ZNF717: variants seen among roughly 807,000 people sequenced by gnomAD.
The protein encoded by ZNF717 is zinc finger protein 717.
A neutral mutation model predicts 13.8 loss-of-function variants in ZNF717; 9 were observed. The ratio of observed to expected loss-of-function variants is 0.65; its 90% CI spans 0.39 to 1.14. The LOEUF (loss-of-function observed/expected upper bound fraction) is 1.14, where lower values mean the gene tolerates loss of function less well. Among genes scored for constraint, ZNF717 ranks in the 50% most tolerant of loss-of-function variants. The probability of loss-of-function intolerance (pLI) is 0.01; values close to 1 mark genes in which losing one functional copy is unlikely to be tolerated. For synonymous variants in ZNF717, 327 were observed against 364.1 expected, an observed-to-expected ratio of 0.90 and a Z score of 1.16; for missense variants, 1,040 against 1,080.7, an observed-to-expected ratio of 0.96 and a Z score of 0.53.
At chr3:75,755,526 A>G (rs1245884278) in intron 2 of ZNF717, among the ~76,000 whole-genome samples, 1 of 152,176 alleles carries the variant, frequency 6.6e-6, no homozygotes, top group African/African-American at 2.4e-5. Flanking sequence ...TAGATTATGT[A>G]TGCTTATACA....
At position 75,739,028 on chromosome 3, in the gene ZNF717, G is replaced by T. The variant is rs1332258666; in HGVS notation, c.595C>A (p.His199Asn). The T allele has an allele frequency of 1.8e-5, 28 of 1,551,420 alleles. No homozygotes were observed. Among genetic ancestry groups the T allele is most frequent in the Non-Finnish European group, 2.4e-5 (27 of 1,146,944 alleles). Residue 199 changes from histidine (H) to asparagine (N), a missense_variant, in exon 5 of 5, where the codon CAT (histidine) becomes AAT (asparagine). By Grantham distance (68) the His-to-Asn change is moderately conservative. This residue lies in a region of ZNF717 where 873 missense variants were observed against 832.8 expected (regional missense o/e 1.05). Transcript: ENST00000652011. ...SHRHHEHLTQ[H>N]HKIQTLLQTF... is the part of the protein sequence containing the mutation. ...TGCAGCAGAGTTTGAATCTTGTGAT[G>T]CTGAGTAAGATGTTCATGATGTCTG...
chr3:75,770,109 C>A (rs1943774852), intron 2 of ZNF717, among the ~76,000 whole-genome samples: 1 of 152,160 alleles, frequency 6.6e-6, no homozygotes, highest in African/African-American at 2.4e-5. Flanking sequence ...ACAGTGCTGG[C>A]CAGATGCACA....
At chr3:75,711,822 C>A (rs1412561234) in intron 5 of ZNF717, among the ~76,000 whole-genome samples, 4 of 152,126 alleles carry the variant, frequency 2.6e-5, no homozygotes, top group Admixed American at 6.5e-5. Context: ...TGGACTACAG[C>A]AGATTGCAAA....
chr3:75,722,585 C>T (rs1201343997), intron 4 of ZNF717, among the ~76,000 whole-genome samples: 5 of 151,938 alleles, frequency 3.3e-5, no homozygotes, highest in African/African-American at 4.8e-5. Context: ...GAGGCTGAGG[C>T]GGGCGGATCA....
exon 6 of ZNF717, chr3:75,710,150 A>G (rs2106833910): frequency 6.6e-6 from 1 of 152,254 alleles, no homozygotes; most frequent in East Asian, 1.9e-4. Flanking sequence ...AAACTTAAGT[A>G]ATGGATACAC....
chr3:75,766,114 A>G (rs1211015348), intron 2 of ZNF717, among the ~76,000 whole-genome samples: 2 of 152,238 alleles, frequency 1.3e-5, no homozygotes, highest in Non-Finnish European at 2.9e-5. Flanking sequence ...CTTAAAAAAA[A>G]ATAAACAAAC....
At chr3:75,712,598 A>C (rs1937963499) in intron 5 of ZNF717, among the ~76,000 whole-genome samples, 2 of 152,196 alleles carry the variant, frequency 1.3e-5, no homozygotes. Flanking sequence ...TGGGCTTTCC[A>C]CTTTGTCCTG....
At chr3:75,717,623 G>A (rs1161352188) in intron 4 of ZNF717, among the ~76,000 whole-genome samples, 1 of 152,150 alleles carries the variant, frequency 6.6e-6, no homozygotes, top group Non-Finnish European at 1.5e-5. Context: ...CAGTGTGAGT[G>A]CCGGCATGTT....
At chr3:75,700,237 C>CG (rs1937662190) in intron 6 of ZNF717, among the ~76,000 whole-genome samples, 1 of 145,278 alleles carries the variant, frequency 6.9e-6, no homozygotes, top group Non-Finnish European at 1.5e-5. Context: ...ACTAAAAATA[C>CG]AAAAAAATTA....
rs1371817258 is a variant in ZNF717 at position 75,703,240 on chromosome 3, C to G, written n.1085+7947G>C. Among the ~76,000 whole-genome samples, 64 of 152,328 alleles carry G rather than the reference C, an allele frequency of 4.2e-4. No homozygotes were observed. The Middle Eastern group carries it at 0.01, about 24-fold the overall frequency. On this transcript the variant is annotated intron_variant and non_coding_transcript_variant, in intron 6 of 6. Transcript: ENST00000648506. ...GCAGGAAATCAGAATTATTTTAAAA[C>G]CTCATTGTGGCTGGGAGCGGTGGCT...
At position 75,736,684 on chromosome 3, in the gene ZNF717, C is replaced by G; in HGVS notation, c.*194G>C. 1.7e-6 allele frequency: 1 copy of G among 581,990 alleles called. No individual in the cohort carries two copies. Among genetic ancestry groups the G allele is most frequent in the Non-Finnish European group, 2.9e-6 (1 of 343,608 alleles). The allele number at this position is 581,990 out of a possible 1,614,324, so 36.1% of individuals were successfully genotyped here. A position where few individuals can be genotyped will look rare whatever the true frequency, so the allele number is the denominator to read the frequency against. ...TGAGCTTCTAGGAAAACAGCCATAT[C>G]TGTGACATTAAAGTGCAAAGTGTGC... On this transcript the variant is annotated 3_prime_UTR_variant, in exon 5 of 5. Coordinates refer to ENST00000652011, the MANE Select transcript of ZNF717 (RefSeq NM_001290208.3).
intron 6 of ZNF717, among the ~76,000 whole-genome samples, chr3:75,704,319 G>A (rs2106819493): frequency 6.6e-6 from 1 of 152,430 alleles, no homozygotes; most frequent in East Asian, 1.9e-4. Context: ...GTCTGTATCA[G>A]GACCCTCTTT....
intron 2 of ZNF717, among the ~76,000 whole-genome samples, chr3:75,776,892 G>C (rs942064394): frequency 6.6e-6 from 1 of 151,832 alleles, no homozygotes; most frequent in Non-Finnish European, 1.5e-5. Flanking sequence ...TTGGTTGTAG[G>C]GAATTAACAA....
chr3:75,764,934 G>A (rs1943317541), intron 2 of ZNF717, among the ~76,000 whole-genome samples: 1 of 148,698 alleles, frequency 6.7e-6, no homozygotes, highest in Non-Finnish European at 1.5e-5. Context: ...GCATTACACA[G>A]CCACAAGGTG....
rs751581872 is a variant in ZNF717 at position 75,738,619 on chromosome 3, CCT to C, written c.1002_1003del (p.Glu336LysfsTer7). 7.6e-5 allele frequency: 118 copies of C among 1,552,628 alleles called. No individual in the cohort carries two copies. Among genetic ancestry groups the C allele is most frequent in the Non-Finnish European group, 7.8e-5 (89 of 1,147,748 alleles). On this transcript the variant is annotated frameshift_variant, in exon 5 of 5. Coordinates refer to ENST00000652011, the MANE Select transcript of ZNF717 (RefSeq NM_001290208.3). LOFTEE classifies it low-confidence loss of function (END_TRUNC). ...TTCATTGCATCCATAGGGCTTTTCC[CCT>C]GTGTGAATTCTCTGATGGATAATGA...
chr3:75,751,918 G>A lies in ZNF717; in HGVS notation c.58-10182C>T, dbSNP rs1373807077. On this transcript the variant is annotated intron_variant, in intron 2 of 4. Coordinates refer to ENST00000652011, the MANE Select transcript of ZNF717 (RefSeq NM_001290208.3). The stretch of plus-strand genomic sequence containing the variant: ...CCCTCACACAGGATTCCAAAACACT[G>A]CTGCTGGGATGTGAATGTTTGTCCC... 9.2e-5 allele frequency among the ~76,000 whole-genome samples: 14 copies of A among 151,756 alleles called. 1 individual carries two copies. Among genetic ancestry groups the A allele is most frequent in the African/African-American group, 3.2e-4 (13 of 41,162 alleles).
intron 2 of ZNF717, among the ~76,000 whole-genome samples, chr3:75,782,427 C>G (rs1278891942): frequency 6.6e-6 from 1 of 152,198 alleles, no homozygotes; most frequent in East Asian, 1.9e-4. Context: ...CTGTTTGGGA[C>G]CACACTCTTT....
chr3:75,771,872 C>T (rs1943915890), intron 2 of ZNF717, among the ~76,000 whole-genome samples: 1 of 152,250 alleles, frequency 6.6e-6, no homozygotes, highest in South Asian at 2.1e-4. Context: ...GGTCCTGCCA[C>T]CTGGTGTCTC....
intron 2 of ZNF717, among the ~76,000 whole-genome samples, chr3:75,770,023 T>C (rs892379446): frequency 6.6e-6 from 1 of 152,228 alleles, no homozygotes; most frequent in Non-Finnish European, 1.5e-5. Flanking sequence ...CATATTTCTT[T>C]ATTGGCCCTT....
Sources: gnomAD v4.1 joint callset for allele counts (sites outside exome capture counted in the v4.1 genomes callset) on GRCh38, gnomAD v4.1.1 for gene constraint, gnomAD v4.1.1 regional missense constraint, MANE v1.5 for transcripts, NCBI Gene and HGNC (gene_info 2026-07-23, HGNC 2026-07-21) for gene names.